Variants in NCAPG2 observed in about 807,000 individuals in gnomAD.
NCAPG2 encodes non-SMC condensin II complex subunit G2.
Under a neutral mutation model 141.1 loss-of-function variants are expected in NCAPG2, and 53 were observed. The observed-to-expected ratio is 0.38, with a 90% CI of 0.30 to 0.47. The LOEUF (loss-of-function observed/expected upper bound fraction) is 0.47. Among genes scored for constraint, NCAPG2 ranks in the 20% least tolerant of loss-of-function variants. NCAPG2 has a pLI of 0.99. For missense variants in NCAPG2, 1,087 were observed against 1,389.0 expected (o/e 0.78, Z 3.46); for synonymous variants, 499 against 490.7 (o/e 1.02, Z -0.22).
At chr7:158,679,844 A>G in intron 11 of NCAPG2, 116 bp downstream of exon 11, 1 of 1,343,760 alleles carries the variant, frequency 7.4e-7, no homozygotes, top group Middle Eastern at 1.9e-4. Flanking sequence ...AAACCATGCC[A>G]TGTGGGAGCA....
At chr7:158,657,843 G>C (rs1467578238) in intron 17 of NCAPG2, among the ~76,000 whole-genome samples, 1 of 152,176 alleles carries the variant, frequency 6.6e-6, no homozygotes, top group African/African-American at 2.4e-5. Context: ...CTGTTGATCT[G>C]TGACCTTACC....
chr7:158,687,701 T>C (rs1834859742), intron 6 of NCAPG2, among the ~76,000 whole-genome samples: 1 of 152,210 alleles, frequency 6.6e-6, no homozygotes, highest in Non-Finnish European at 1.5e-5. Flanking sequence ...GGTGCAGAGA[T>C]GGAGACCACA....
At chr7:158,656,210 T>C in intron 19 of NCAPG2, 50 bp downstream of exon 19, 1 of 1,576,376 alleles carries the variant, frequency 6.3e-7, no homozygotes, top group African/African-American at 1.4e-5. Context: ...CTTTGATTTG[T>C]CACCCCCACA....
Position 158,656,440 on chromosome 7 carries a change from G to A in NCAPG2, c.2215-7C>T, listed in dbSNP as rs1182412273. The A allele has an allele frequency of 1.9e-6, 3 of 1,612,718 alleles. No individual in the cohort carries two copies. The highest frequency in any genetic ancestry group is 2.7e-5 in the African/African-American group (2 of 74,846). ...CTTTAGAAGCTGTGTTGCTCTGAAA[G>A]AAGAGAGAGAGAAACTGATAATGAA... On this transcript the variant is annotated splice_region_variant and splice_polypyrimidine_tract_variant and intron_variant, in intron 18 of 27. Coordinates refer to ENST00000356309, the MANE Select transcript of NCAPG2 (RefSeq NM_017760.7).
At chr7:158,637,020 T>G (rs1381307042) in intron 27 of NCAPG2, among the ~76,000 whole-genome samples, 1 of 151,582 alleles carries the variant, frequency 6.6e-6, no homozygotes, top group Non-Finnish European at 1.5e-5. Context: ...TGATCTTGGC[T>G]CACTGCAAGT....
At chr7:158,669,039 G>A (rs1833497813) in intron 13 of NCAPG2, among the ~76,000 whole-genome samples, 2 of 152,114 alleles carry the variant, frequency 1.3e-5, no homozygotes, top group Non-Finnish European at 2.9e-5. Flanking sequence ...TTCTGTTCCT[G>A]CGTTTGTTTG....
intron 25 of NCAPG2, 104 bp downstream of exon 25, chr7:158,646,356 G>T (rs907146533): frequency 2.7e-6 from 2 of 739,144 alleles, no homozygotes; most frequent in Admixed American, 6.7e-5. Flanking sequence ...TCATAGAAAA[G>T]AATGTAGCTT....
In NCAPG2 at chr7:158,650,904, G is replaced by A. The variant is rs753310672; in HGVS notation, c.3003C>T (p.Thr1001=). Residue 1001 remains threonine (T), a synonymous_variant, in exon 24 of 28, where the codon ACC becomes ACT. Coordinates refer to ENST00000356309, the MANE Select transcript of NCAPG2 (RefSeq NM_017760.7). ...ITAVQSRHTD[T]PVHRGVLSTL... ...TAGAAAGTACACCCCGGTGCACAGG[G>A]GTGTCTGTGTGCCGAGACTGAACAG... 2 of 1,613,626 alleles carry A rather than the reference G, an allele frequency of 1.2e-6. No individual in the cohort carries two copies. The highest frequency in any genetic ancestry group is 1.7e-6 in the Non-Finnish European group (2 of 1,179,898).
At chr7:158,662,866 G>A (rs1199305862) in intron 15 of NCAPG2, among the ~76,000 whole-genome samples, 1 of 152,178 alleles carries the variant, frequency 6.6e-6, no homozygotes, top group Admixed American at 6.5e-5. Flanking sequence ...CCACCCTACA[G>A]GCAGGCAGAA....
At chr7:158,636,407 T>TC (rs1830199692) in intron 27 of NCAPG2, among the ~76,000 whole-genome samples, 1 of 150,752 alleles carries the variant, frequency 6.6e-6, no homozygotes, top group Non-Finnish European at 1.5e-5. Context: ...TTTTTCTTTT[T>TC]TTTTTTTTTT....
intron 24 of NCAPG2, 30 bp from the exon 25 acceptor site, chr7:158,646,593 A>AAC (rs752836437): frequency 6.9e-7 from 1 of 1,451,986 alleles, no homozygotes; most frequent in Non-Finnish European, 9.4e-7. Context: ...GCAAGTTGTA[A>AAC]ACAGAGACTA....
At chr7:158,683,279 A>C in intron 9 of NCAPG2, 21 bp downstream of exon 9, 2 of 1,475,314 alleles carry the variant, frequency 1.4e-6, no homozygotes, top group Non-Finnish European at 1.8e-6. Context: ...TATTTCAAAA[A>C]CAATCTGTTC....
At chr7:158,684,035 T>C (rs1366681587) in intron 8 of NCAPG2, among the ~76,000 whole-genome samples, 1 of 152,204 alleles carries the variant, frequency 6.6e-6, no homozygotes, top group Non-Finnish European at 1.5e-5. Flanking sequence ...TTCTGTGGCT[T>C]TGAGGAAGGA....
intron 27 of NCAPG2, 151 bp downstream of exon 27, chr7:158,644,138 T>A (rs555662309): frequency 3.4e-6 from 2 of 587,422 alleles, no homozygotes; most frequent in East Asian, 5.5e-5. Context: ...AAGCTAAAGG[T>A]CTTTGCCAAC....
Position 158,664,727 on chromosome 7 carries a change from C to T in NCAPG2, c.1503G>A (p.Glu501=). 1.2e-6 allele frequency: 2 copies of T among 1,614,042 alleles called. No homozygotes were observed. Among genetic ancestry groups the T allele is most frequent in the Non-Finnish European group, 1.7e-6 (2 of 1,179,984 alleles). The change falls in exon 14 of 28, where the codon GAG becomes GAA. Residue 501 remains glutamate, a synonymous_variant. Transcript: ENST00000356309. The part of the protein sequence containing the change: ...AAKFWKICPM[E]HILVRLETDS... The stretch of plus-strand genomic sequence containing the variant: ...CAGTTTCCAGACGAACCAGAATGTG[C>T]TCCATGGGACATATTTTCCAAAACT...
rs1488136370 is a variant in NCAPG2, at chr7:158,633,611, AAGG to A, written c.3381-1897_3381-1895del. On this transcript the variant is annotated intron_variant, in intron 27 of 27. Coordinates refer to ENST00000356309, the MANE Select transcript of NCAPG2 (RefSeq NM_017760.7). This position sits in a 1 kb window ranked among gnomAD's most constrained non-coding sequence, Gnocchi z 4.1. The stretch of plus-strand genomic sequence containing the variant: ...CTCCTGCCCATTCCCTGAGTCCCCC[AAGG>A]AGAAGAGAGTGCTCTCTGTCCACAG... 1.3e-5 allele frequency among the ~76,000 whole-genome samples: 2 copies of A among 152,038 alleles called. No homozygotes were observed. Among genetic ancestry groups the A allele is most frequent in the Non-Finnish European group, 2.9e-5 (2 of 68,004 alleles).
chr7:158,696,034 G>A (rs1835421674), intron 2 of NCAPG2: 1 of 152,282 alleles, frequency 6.6e-6, no homozygotes, highest in African/African-American at 2.4e-5. Flanking sequence ...CTGGCACAAT[G>A]TGTATGAAGC....
chr7:158,686,272 C>T (rs1003899369), intron 7 of NCAPG2, 31 bp from the exon 8 acceptor site: 5 of 1,278,128 alleles, frequency 3.9e-6, no homozygotes, highest in South Asian at 1.4e-5. Context: ...AGTTTTAATG[C>T]AAATTTTAAG....
intron 14 of NCAPG2, 103 bp downstream of exon 14, chr7:158,664,425 A>G (rs1049741714): frequency 1.3e-6 from 2 of 1,500,088 alleles, no homozygotes; most frequent in African/African-American, 1.4e-5. Flanking sequence ...GAAATGCATT[A>G]AAGTATGAAG....
Sources: allele counts gnomAD v4.1 joint callset (sites outside exome capture counted in the v4.1 genomes callset), GRCh38; gene constraint gnomAD v4.1.1; non-coding constraint Gnocchi (gnomAD v3.1); transcripts MANE v1.5; gene names NCBI Gene and HGNC (gene_info 2026-07-23, HGNC 2026-07-21).